Variants in CCDC32 observed in about 807,000 individuals in gnomAD.
CCDC32 encodes the protein coiled-coil domain-containing protein 32.
CCDC32 carries 9 observed loss-of-function variants against 20.1 expected under a neutral mutation model. That is an observed-to-expected ratio of 0.45 (90% CI 0.27 to 0.78). The LOEUF is 0.78. CCDC32 is among the 30% of genes least tolerant of loss of function. The pLI is 0.16. For missense variants in CCDC32, 204 were observed against 215.5 expected, an observed-to-expected ratio of 0.95 and a Z score of 0.33; for synonymous variants, 63 against 79.0, an observed-to-expected ratio of 0.80 and a Z score of 1.07.
intron 3 of CCDC32, among the ~76,000 whole-genome samples, chr15:40,542,200 C>A (rs181532412): frequency 2.0e-5 from 3 of 152,336 alleles, no homozygotes; most frequent in African/African-American, 7.2e-5. Context: ...TATTGTTGAA[C>A]AGCTATTAGA....
intron 2 of CCDC32, among the ~76,000 whole-genome samples, chr15:40,559,173 A>G (rs1179133976): frequency 6.6e-6 from 1 of 152,016 alleles, no homozygotes; most frequent in African/African-American, 2.4e-5. Context: ...TGTAACCTTG[A>G]ACAACTGCTA....
downstream of CCDC32, among the ~76,000 whole-genome samples, chr15:40,549,433 A>C (rs764691430): frequency 2.0e-5 from 3 of 150,542 alleles, no homozygotes; most frequent in East Asian, 1.9e-4. Context: ...ATTTCCTCTC[A>C]CTCCTATTCA....
At chr15:40,539,467 G>T in intron 3 of CCDC32, 1 of 923,780 alleles carries the variant, frequency 1.1e-6, no homozygotes, top group Non-Finnish European at 1.7e-6. Context: ...CCGAGAGTGC[G>T]AAGGTGCGAG....
chr15:40,564,672 G>C, intron 1 of CCDC32: 2 of 1,564,134 alleles, frequency 1.3e-6, no homozygotes, highest in Non-Finnish European at 8.8e-7. Context: ...GGACAGCTAT[G>C]ACACGGCGGT....
At position 40,554,824 on chromosome 15, in the gene CCDC32, G is replaced by A. The variant is rs139696338; in HGVS notation, c.402-697C>T. On this transcript the variant is annotated intron_variant, in intron 3 of 3. Coordinates refer to ENST00000416810, the MANE Select transcript of CCDC32 (RefSeq NM_001080792.4). ...ACCCTATACCCTAAAGCTATTAGAC[G>A]TTCACAGTAAAATATAAATGACTAG... 2.1e-3 allele frequency among the ~76,000 whole-genome samples: 324 copies of A among 152,246 alleles called. 1 individual carries two copies. The highest frequency in any genetic ancestry group is 7.3e-3 in the African/African-American group (305 of 41,544).
chr15:40,543,748 C>T (rs372013673), intron 3 of CCDC32, among the ~76,000 whole-genome samples: 39 of 152,254 alleles, frequency 2.6e-4, no homozygotes, highest in African/African-American at 8.2e-4. Flanking sequence ...CCACTGCACC[C>T]GGGCTTGTCA....
downstream of CCDC32, chr15:40,531,784 T>C (rs919500435): frequency 6.6e-6 from 1 of 152,220 alleles, no homozygotes; most frequent in Admixed American, 6.6e-5. Context: ...TTGGCTAATT[T>C]TTTTTAGAGA....
chr15:40,555,563 A>C (rs2141637638), intron 3 of CCDC32, among the ~76,000 whole-genome samples: 1 of 152,330 alleles, frequency 6.6e-6, no homozygotes, highest in African/African-American at 2.4e-5. Context: ...TTGGACCTTT[A>C]GAGATAGAAA....
At chr15:40,546,331 AC>A (rs1265731580) in intron 3 of CCDC32, among the ~76,000 whole-genome samples, 1 of 151,784 alleles carries the variant, frequency 6.6e-6, no homozygotes, top group Admixed American at 6.6e-5. Flanking sequence ...AGCTGGGACC[AC>A]AGGCACGAGC....
chr15:40,548,358 A>T (rs4923876), downstream of CCDC32, among the ~76,000 whole-genome samples: 3 of 152,000 alleles, frequency 2.0e-5, no homozygotes, highest in South Asian at 2.1e-4. Flanking sequence ...TGTAGCCAGC[A>T]TAAGTATTAA....
At chr15:40,530,860 C>T (rs544187089), downstream of CCDC32, among the ~76,000 whole-genome samples, 13 of 151,200 alleles carry the variant, frequency 8.6e-5, no homozygotes, top group African/African-American at 2.9e-4. Flanking sequence ...TATAGGCGTG[C>T]GCCACCACCC....
chr15:40,521,639 G>T, the CCDC32 span, among the ~76,000 whole-genome samples: 204 of 152,154 alleles, frequency 1.3e-3, no homozygotes, highest in African/African-American at 4.8e-3. Context: ...CTACATCCTC[G>T]CAGACTCTTG....
At chr15:40,563,100 C>T (rs1890766055) in intron 1 of CCDC32, 73 bp from the exon 2 acceptor site, 17 of 1,507,500 alleles carry the variant, frequency 1.1e-5, no homozygotes, top group South Asian at 3.8e-5. Flanking sequence ...CAGTGGCTCA[C>T]GACTGTAATC....
At chr15:40,557,157 C>A in intron 3 of CCDC32, 59 bp downstream of exon 3, 1 of 1,535,612 alleles carries the variant, frequency 6.5e-7, no homozygotes, top group Middle Eastern at 1.8e-4. Flanking sequence ...GGGCTAAAAA[C>A]AAATAGAACA....
At chr15:40,539,878 A>ACACACACACACACACC (rs1889311275) in intron 3 of CCDC32, among the ~76,000 whole-genome samples, 1 of 143,370 alleles carries the variant, frequency 7.0e-6, no homozygotes, top group Non-Finnish European at 1.6e-5. Context: ...ACACACACAC[A>ACACACACACACACACC]CACCCCGCTC....
downstream of CCDC32, chr15:40,537,584 C>A (rs909254064): frequency 2.6e-5 from 4 of 152,242 alleles, no homozygotes; most frequent in African/African-American, 9.6e-5. Flanking sequence ...TGATGACCAA[C>A]TCCCAAAATA....
At chr15:40,521,892 T>TA in the CCDC32 span, among the ~76,000 whole-genome samples, 190 of 152,364 alleles carry the variant, frequency 1.2e-3, 1 homozygote, top group East Asian at 0.024. Context: ...GCAGATATTT[T>TA]ATGCCATTCT....
At chr15:40,552,170 A>G (rs1889907816), downstream of CCDC32, among the ~76,000 whole-genome samples, 1 of 151,802 alleles carries the variant, frequency 6.6e-6, no homozygotes, top group African/African-American at 2.4e-5. Flanking sequence ...AAAAAAACAA[A>G]AAAAAAATAA....
chr15:40,541,136 C>T (rs1486018588), intron 3 of CCDC32, among the ~76,000 whole-genome samples: 1 of 152,216 alleles, frequency 6.6e-6, no homozygotes, highest in African/African-American at 2.4e-5. Flanking sequence ...GCAGCTGCAG[C>T]GGATGCTTCT....
Sources: gnomAD v4.1 joint callset for allele counts (sites outside exome capture counted in the v4.1 genomes callset) on GRCh38, gnomAD v4.1.1 for gene constraint, MANE v1.5 for transcripts, NCBI Gene and HGNC (gene_info 2026-07-23, HGNC 2026-07-21) for gene names.